The following CNOT4 variants were observed in gnomAD, a reference collection of about 807,000 sequenced individuals.
CNOT4 encodes the protein CCR4-associated factor 4.
A neutral mutation model predicts 73.8 loss-of-function variants in CNOT4; 8 were observed. The observed-to-expected ratio is 0.11, with a 90% CI of 0.06 to 0.20. CNOT4 has a LOEUF of 0.20. Among genes scored for constraint, CNOT4 ranks in the 10% least tolerant of loss-of-function variants. CNOT4 has a pLI of 1.00. For missense variants in CNOT4, 564 were observed against 883.4 expected, an observed-to-expected ratio of 0.64 and a Z score of 4.58; for synonymous variants, 293 against 321.1, an observed-to-expected ratio of 0.91 and a Z score of 0.94.
chr7:135,443,758 T>C (rs757375821), intron 1 of CNOT4, among the ~76,000 whole-genome samples: 72 of 152,320 alleles, frequency 4.7e-4, no homozygotes, highest in South Asian at 1.0e-3. Context: ...ATAAAAATCA[T>C]ACAGTCAAAA....
chr7:135,379,221 G>A (rs1795701071), intron 10 of CNOT4, among the ~76,000 whole-genome samples: 1 of 152,172 alleles, frequency 6.6e-6, no homozygotes, highest in Non-Finnish European at 1.5e-5. Context: ...GTTAAAACCT[G>A]AAAGCGTGTT....
intron 1 of CNOT4, among the ~76,000 whole-genome samples, chr7:135,468,138 C>G (rs57721581): frequency 0.051 from 7,736 of 151,954 alleles, 678 homozygotes; most frequent in African/African-American, 0.18. Flanking sequence ...ATGGCGTGAA[C>G]CCGGGAGGCA....
rs202058052 is a variant in CNOT4 at position 135,434,988 on chromosome 7, T to C, written c.174+3170A>G. Among the ~76,000 whole-genome samples, 18 of 152,350 alleles carry C rather than the reference T, an allele frequency of 1.2e-4. No homozygotes were observed. In the East Asian group the frequency reaches 2.3e-3, roughly 20 times the overall value. On this transcript the variant is annotated intron_variant, in intron 2 of 11. Coordinates refer to ENST00000541284, the MANE Select transcript of CNOT4 (RefSeq NM_001190850.2). ...GTTTTATTATGCCTTTACATATTAA[T>C]AAAATTGAGAGCTCTCCTTTCAAAG...
intron 10 of CNOT4, chr7:135,384,589 A>G: frequency 1.4e-6 from 1 of 740,476 alleles, no homozygotes; most frequent in Non-Finnish European, 2.5e-6. Flanking sequence ...CTGGCCACCC[A>G]CCTCTCTTAA....
chr7:135,480,138 A>G (rs868737762), intron 1 of CNOT4, among the ~76,000 whole-genome samples: 108 of 152,244 alleles, frequency 7.1e-4, no homozygotes, highest in African/African-American at 2.5e-3. Flanking sequence ...CTCCAGTGTT[A>G]TTATTATGCT....
intron 10 of CNOT4, chr7:135,384,610 A>T (rs2129483021): frequency 1.3e-6 from 1 of 758,780 alleles, no homozygotes; most frequent in East Asian, 2.4e-5. Flanking sequence ...GCTATACCAC[A>T]TGCTCGTCTC....
At chr7:135,479,561 T>G (rs1245381912) in intron 1 of CNOT4, among the ~76,000 whole-genome samples, 1 of 151,858 alleles carries the variant, frequency 6.6e-6, no homozygotes, top group African/African-American at 2.4e-5. Context: ...CTGGAGTTAT[T>G]ATTTATAATT....
intron 1 of CNOT4, among the ~76,000 whole-genome samples, chr7:135,467,544 C>A (rs1344081872): frequency 6.6e-6 from 1 of 151,856 alleles, no homozygotes; most frequent in African/African-American, 2.4e-5. Context: ...GACCCCATAT[C>A]CACAAAAATA....
chr7:135,471,483 A>C (rs1801571593), intron 1 of CNOT4, among the ~76,000 whole-genome samples: 1 of 152,240 alleles, frequency 6.6e-6, no homozygotes, highest in South Asian at 2.1e-4. Flanking sequence ...AAATGGTAAT[A>C]AGTATGCATA....
chr7:135,406,858 C>A (rs963971049), intron 7 of CNOT4, among the ~76,000 whole-genome samples: 2 of 152,070 alleles, frequency 1.3e-5, no homozygotes, highest in Non-Finnish European at 1.5e-5. Flanking sequence ...ATAATAAAGG[C>A]AAAGTCAATA....
intron 10 of CNOT4, among the ~76,000 whole-genome samples, chr7:135,374,610 G>A (rs1230148918): frequency 1.4e-5 from 2 of 146,230 alleles, no homozygotes; most frequent in East Asian, 4.1e-4. Context: ...TGACAGAATA[G>A]TGGAAACTAC....
chr7:135,497,086 C>T (rs956907524), intron 1 of CNOT4, among the ~76,000 whole-genome samples: 3 of 151,846 alleles, frequency 2.0e-5, no homozygotes, highest in South Asian at 2.1e-4. Flanking sequence ...GGATTACAGG[C>T]GTGAGCCACT....
chr7:135,423,098 T>C (rs1798279058), intron 2 of CNOT4, among the ~76,000 whole-genome samples: 1 of 152,186 alleles, frequency 6.6e-6, no homozygotes, highest in Non-Finnish European at 1.5e-5. Flanking sequence ...ATTAACACTG[T>C]GTCCTACATA....
chr7:135,425,340 T>G (rs1798433553), intron 2 of CNOT4, among the ~76,000 whole-genome samples: 1 of 152,208 alleles, frequency 6.6e-6, no homozygotes, highest in South Asian at 2.1e-4. Flanking sequence ...CAAAGTCATG[T>G]AATATTTGAA....
intron 1 of CNOT4, among the ~76,000 whole-genome samples, chr7:135,447,656 G>A (rs559152732): frequency 2.6e-5 from 4 of 152,282 alleles, no homozygotes; most frequent in African/African-American, 7.2e-5. Flanking sequence ...TCTTCCCAAT[G>A]GAACTGACTT....
At chr7:135,430,389 G>A (rs2696880) in intron 2 of CNOT4, among the ~76,000 whole-genome samples, 95,010 of 152,014 alleles carry the variant, frequency 0.63, 29,899 homozygotes, top group East Asian at 0.76. Flanking sequence ...TATAATCCCA[G>A]CACTTTAGGA....
chr7:135,470,755 A>C (rs989393969), intron 1 of CNOT4, among the ~76,000 whole-genome samples: 2 of 152,232 alleles, frequency 1.3e-5, no homozygotes, highest in African/African-American at 4.8e-5. Context: ...TATGCCATTT[A>C]TATAAAACTC....
At chr7:135,465,637 T>C (rs541979791) in intron 1 of CNOT4, among the ~76,000 whole-genome samples, 2 of 152,248 alleles carry the variant, frequency 1.3e-5, no homozygotes, top group Admixed American at 6.5e-5. Flanking sequence ...GACAGTTCCA[T>C]GTCCAGTGGG....
chr7:135,387,171 G>A lies in CNOT4; in HGVS notation c.1627+6747C>T, dbSNP rs1796162160. The A allele has an allele frequency of 4.1e-6, 4 of 980,960 alleles. No homozygotes were observed. In the South Asian group the frequency reaches 1.4e-4, roughly 35 times the overall value. The allele number at this position is 980,960 out of a possible 1,614,324, so 60.8% of individuals were successfully genotyped here. ...AGTCTACAATATTAATAAGTCTACA[G>A]TATTTTATTGGCATTTTCCAAATTG... On this transcript the variant is annotated intron_variant, in intron 10 of 11. Coordinates refer to ENST00000541284, the MANE Select transcript of CNOT4 (RefSeq NM_001190850.2).
Sources: allele counts gnomAD v4.1 joint callset (sites outside exome capture counted in the v4.1 genomes callset), GRCh38; gene constraint gnomAD v4.1.1; transcripts MANE v1.5; gene names NCBI Gene and HGNC (gene_info 2026-07-23, HGNC 2026-07-21).